ANK1: variants seen among roughly 807,000 people sequenced by gnomAD.
ANK1 encodes ankyrin 1, also known as ankyrin-1.
In ANK1, 51 loss-of-function variants were observed where a neutral mutation model predicts 210.4. The observed-to-expected ratio is 0.24, with a 90% confidence interval of 0.19 to 0.31. ANK1 has a LOEUF of 0.31. Among genes scored for constraint, ANK1 ranks in the 10% least tolerant of loss-of-function variants. The probability of loss-of-function intolerance (pLI) is 1.00; values close to 1 mark genes in which losing one functional copy is unlikely to be tolerated. For synonymous variants in ANK1, 967 were observed against 1,025.9 expected, an observed-to-expected ratio of 0.94 and a Z score of 1.10; for missense variants, 2,051 against 2,504.4, an observed-to-expected ratio of 0.82 and a Z score of 3.86.
At chr8:41,867,576 T>C (rs564552398) in intron 1 of ANK1, among the ~76,000 whole-genome samples, 23 of 152,146 alleles carry the variant, frequency 1.5e-4, no homozygotes, top group African/African-American at 5.3e-4. Context: ...CCTTTTCCCA[T>C]GCCATTCCCT....
chr8:41,672,476 G>A lies in ANK1; in HGVS notation c.4974C>T (p.Asp1658=), dbSNP rs149859024. The A allele has an allele frequency of 6.7e-3, 10,889 of 1,614,196 alleles. 45 individuals are homozygous for A. The highest frequency in any genetic ancestry group is 8.3e-3 in the Non-Finnish European group (9,816 of 1,180,030). The change falls in exon 38 of 43, where the codon GAC becomes GAT. Residue 1658 remains aspartate, a synonymous_variant. Transcript: ENST00000289734. ...EKLPGSKRQD[D]ATGAGQDSEN... ...CTGAGTCCTGCCCTGCACCTGTCGC[G>A]TCATCCTGCCTCTTAGAACCTGGCA...
At chr8:41,736,973 A>C (rs1252035610) in intron 2 of ANK1, among the ~76,000 whole-genome samples, 1 of 152,166 alleles carries the variant, frequency 6.6e-6, no homozygotes, top group East Asian at 1.9e-4. Flanking sequence ...TTCCCAGAAA[A>C]AAGGAGGTTT....
chr8:41,710,015 A>T (rs1327093457), intron 16 of ANK1, among the ~76,000 whole-genome samples: 1 of 152,230 alleles, frequency 6.6e-6, no homozygotes, highest in Non-Finnish European at 1.5e-5. Flanking sequence ...GCACAATGAG[A>T]TGAAGAAGCT....
intron 1 of ANK1, among the ~76,000 whole-genome samples, chr8:41,770,090 T>C (rs1348887278): frequency 6.8e-6 from 1 of 148,130 alleles, no homozygotes; most frequent in Non-Finnish European, 1.5e-5. Flanking sequence ...CAAGCGATTC[T>C]CCTGCCTCAG....
chr8:41,887,893 G>A (rs950019580), intron 1 of ANK1, among the ~76,000 whole-genome samples: 3 of 152,256 alleles, frequency 2.0e-5, no homozygotes, highest in Non-Finnish European at 4.4e-5. Flanking sequence ...CTGTCTTTAA[G>A]AGTGGATGGG....
At chr8:41,879,050 T>A (rs1157774489) in intron 1 of ANK1, among the ~76,000 whole-genome samples, 1 of 151,774 alleles carries the variant, frequency 6.6e-6, no homozygotes, top group African/African-American at 2.4e-5. Context: ...GGTGACACAG[T>A]GAGACTCAGC....
At chr8:41,784,242 C>T (rs922853468) in intron 1 of ANK1, among the ~76,000 whole-genome samples, 6 of 152,164 alleles carry the variant, frequency 3.9e-5, no homozygotes, top group African/African-American at 1.4e-4. Context: ...CTACCCCACT[C>T]TCTCACCCCC....
At position 41,695,253 on chromosome 8, in the gene ANK1, G is replaced by A. The variant is rs111620878; in HGVS notation, c.3039C>T (p.Asn1013=). 4.8e-5 allele frequency: 78 copies of A among 1,614,092 alleles called. 1 individual carries two copies. The African/African-American group carries it at 6.0e-4, about 12-fold the overall frequency. Reference sequence around the variant, plus strand: ...TCCTGTGCTCCTTCCACACGGAGCCGTTTTCGCTCCTCAGAACCACGAGCT... The same window carrying A: ...TCCTGTGCTCCTTCCACACGGAGCCATTTTCGCTCCTCAGAACCACGAGCT... ...DRELVVLRSE[N]GSVWKEHRSR... Residue 1013 remains asparagine (N), a synonymous_variant, in exon 27 of 43, where the codon AAC becomes AAT. Coordinates refer to ENST00000289734, the MANE Select transcript of ANK1 (RefSeq NM_000037.4).
Position 41,688,244 on chromosome 8 carries a change from T to A in ANK1, c.4184-14A>T, listed in dbSNP as rs1160797080. 6.2e-7 allele frequency: 1 copy of A among 1,613,652 alleles called. No individual in the cohort carries two copies. The highest frequency in any genetic ancestry group is 2.2e-5 in the East Asian group (1 of 44,868). On this transcript the variant is annotated splice_polypyrimidine_tract_variant and intron_variant, in intron 34 of 42. Coordinates refer to ENST00000289734, the MANE Select transcript of ANK1 (RefSeq NM_000037.4). The stretch of plus-strand genomic sequence containing the variant: ...CACTGAGAGAACCTGGGGAGAAGCA[T>A]TAGATTTCATTTAGTAGCCAGGGCA...
At chr8:41,843,758 T>G (rs187098627) in intron 1 of ANK1, among the ~76,000 whole-genome samples, 22 of 152,340 alleles carry the variant, frequency 1.4e-4, no homozygotes, top group Admixed American at 3.3e-4. Context: ...AGGACAAATT[T>G]GCAGCAGCTT....
chr8:41,793,951 G>A (rs1198221621), intron 1 of ANK1, among the ~76,000 whole-genome samples: 1 of 152,178 alleles, frequency 6.6e-6, no homozygotes, highest in Admixed American at 6.5e-5. Context: ...GCAGAACTAT[G>A]TCAACAACCA....
At position 41,758,077 on chromosome 8, in the gene ANK1, C is replaced by G; in HGVS notation, c.88G>C (p.Asp30His). The G allele has an allele frequency of 6.2e-7, 1 of 1,614,184 alleles. No homozygotes were observed. Among genetic ancestry groups the G allele is most frequent in the Non-Finnish European group, 8.5e-7 (1 of 1,180,044 alleles). The change falls in exon 2 of 43, where the codon GAT (aspartate) becomes CAT (histidine). Residue 30 changes from aspartate (D) to histidine (H), a missense_variant. Transcript: ENST00000289734. ...ATATCTACCCCATTCCGCAGGTGAT[C>G]CAAAGCTTTGTCCAAGTTACCTGAT... ...ARSGNLDKAL[D>H]HLRNGVDINT...
At chr8:41,840,513 G>C (rs1444852181) in intron 1 of ANK1, among the ~76,000 whole-genome samples, 1 of 152,194 alleles carries the variant, frequency 6.6e-6, no homozygotes, top group African/African-American at 2.4e-5. Flanking sequence ...CACAGTTCAG[G>C]GGGATGGACG....
intron 1 of ANK1, among the ~76,000 whole-genome samples, chr8:41,781,433 C>G (rs1383245918): frequency 6.6e-6 from 1 of 152,246 alleles, no homozygotes; most frequent in Non-Finnish European, 1.5e-5. Flanking sequence ...CGCCCCAGCA[C>G]AGCTGTGCAC....
In ANK1 at chr8:41,696,733, C is replaced by T; in HGVS notation, c.2678G>A (p.Ser893Asn). 6.2e-7 allele frequency: 1 copy of T among 1,601,072 alleles called. No individual in the cohort carries two copies. Among genetic ancestry groups the T allele is most frequent in the Non-Finnish European group, 8.5e-7 (1 of 1,179,676 alleles). ...GTTGTCTGAGGTCTCGGTGGCCGGG[C>T]TGCTGGGGATGAGGGAGTCCTCATC... ...EYDEDSLIPSSPATETSDNIS... is the reference protein window; with the variant it reads ...EYDEDSLIPSNPATETSDNIS... The change falls in exon 25 of 43, where the codon AGC (serine) becomes AAC (asparagine). Residue 893 changes from serine (S) to asparagine (N), a missense_variant. This residue lies in a region of ANK1 where 1,413 missense variants were observed against 1,707.4 expected (regional missense o/e 0.83). Transcript: ENST00000289734.
chr8:41,837,343 A>C (rs16890888), intron 1 of ANK1, among the ~76,000 whole-genome samples: 2,347 of 152,262 alleles, frequency 0.015, 63 homozygotes, highest in African/African-American at 0.045. Flanking sequence ...TCTACTTTTC[A>C]TAACGAAAGA....
chr8:41,688,668 C>T (rs2150583472), intron 33 of ANK1, 79 bp from the exon 34 acceptor site: 2 of 1,343,954 alleles, frequency 1.5e-6, no homozygotes, highest in South Asian at 1.2e-5. Context: ...TCCTATGCTG[C>T]AGGGGTGTGG....
At chr8:41,810,381 C>A (rs1318409630) in intron 1 of ANK1, among the ~76,000 whole-genome samples, 1 of 152,212 alleles carries the variant, frequency 6.6e-6, no homozygotes, top group African/African-American at 2.4e-5. Flanking sequence ...TATATTTCCC[C>A]CCAAAAGAGG....
At chr8:41,658,765 T>C (rs1485346821) in intron 42 of ANK1, among the ~76,000 whole-genome samples, 2 of 152,152 alleles carry the variant, frequency 1.3e-5, no homozygotes, top group Non-Finnish European at 1.5e-5. Context: ...TGGTGGCACA[T>C]GCCTGTAATC....
Sources: gnomAD v4.1 joint callset for allele counts (sites outside exome capture counted in the v4.1 genomes callset) on GRCh38, gnomAD v4.1.1 for gene constraint, gnomAD v4.1.1 regional missense constraint, MANE v1.5 for transcripts, NCBI Gene and HGNC (gene_info 2026-07-23, HGNC 2026-07-21) for gene names.